Variants in VAV3 observed in about 807,000 individuals in gnomAD.
VAV3 encodes the protein guanine nucleotide exchange factor VAV3.
In VAV3, 94 loss-of-function variants were observed where a neutral mutation model predicts 131.2. The observed-to-expected ratio is 0.72, with a 90% confidence interval of 0.61 to 0.85. The LOEUF (loss-of-function observed/expected upper bound fraction) is 0.85, where lower values mean the gene tolerates loss of function less well. Among genes scored for constraint, VAV3 ranks in the 40% least tolerant of loss-of-function variants. The pLI is 0.00. For synonymous variants in VAV3, 349 were observed against 342.0 expected (o/e 1.02, Z -0.22); for missense variants, 939 against 1,002.7 (o/e 0.94, Z 0.86).
At chr1:107,764,280 T>A (rs1292404139) in intron 9 of VAV3, among the ~76,000 whole-genome samples, 1 of 150,582 alleles carries the variant, frequency 6.6e-6, no homozygotes, top group Non-Finnish European at 1.5e-5. Flanking sequence ...TAGAATCTCA[T>A]CTGTCAAAGC....
intron 15 of VAV3, among the ~76,000 whole-genome samples, chr1:107,736,127 T>C (rs1282948482): frequency 2.0e-5 from 3 of 152,194 alleles, no homozygotes; most frequent in African/African-American, 7.2e-5. Context: ...TCTCAATAGA[T>C]GCAGAAAAGG....
rs146312330 is a variant in VAV3, at chr1:107,665,305, T to C, written c.1777+18183A>G. Among the ~76,000 whole-genome samples, 298 of 152,270 alleles carry C rather than the reference T, an allele frequency of 2.0e-3. 1 individual carries two copies. Among genetic ancestry groups the C allele is most frequent in the African/African-American group, 6.8e-3 (284 of 41,542 alleles). On this transcript the variant is annotated intron_variant, in intron 19 of 26. Coordinates refer to ENST00000370056, the MANE Select transcript of VAV3 (RefSeq NM_006113.5). The stretch of plus-strand genomic sequence containing the variant: ...GTCAGGCTGGACAACAAGGGGTGCA[T>C]TGTCTGGGGATAATTTAAAAACAAT...
rs560899991 is a variant in VAV3 at position 107,945,683 on chromosome 1, G to A, written c.204+18983C>T. On this transcript the variant is annotated intron_variant, in intron 1 of 26. Coordinates refer to ENST00000370056, the MANE Select transcript of VAV3 (RefSeq NM_006113.5). ...CTAAAAATACAAAAATTGGCCAGGCGTGGTGGCGGGCACCTGTAATCCCAG... is the reference window on the plus strand; with the variant it reads ...CTAAAAATACAAAAATTGGCCAGGCATGGTGGCGGGCACCTGTAATCCCAG... 1.1e-4 allele frequency among the ~76,000 whole-genome samples: 16 copies of A among 152,056 alleles called. No individual in the cohort carries two copies. The East Asian group carries it at 1.6e-3, about 15-fold the overall frequency.
At chr1:107,670,066 GGTGA>G (rs1657675422) in intron 19 of VAV3, among the ~76,000 whole-genome samples, 1 of 152,216 alleles carries the variant, frequency 6.6e-6, no homozygotes, top group South Asian at 2.1e-4. Flanking sequence ...ATGTGGGTAG[GGTGA>G]GTATTTTCAT....
At chr1:107,779,700 C>A (rs1223081606) in intron 2 of VAV3, among the ~76,000 whole-genome samples, 1 of 151,932 alleles carries the variant, frequency 6.6e-6, no homozygotes, top group African/African-American at 2.4e-5. Context: ...TAATAAATTA[C>A]TTTATTACTT....
Position 107,831,828 on chromosome 1 carries a change from T to C in VAV3, c.321+43073A>G, listed in dbSNP as rs75598209. 2.2e-3 allele frequency among the ~76,000 whole-genome samples: 328 copies of C among 152,336 alleles called. 13 individuals carry two copies. In the East Asian group the frequency reaches 0.052, roughly 24 times the overall value. ...TTTTAGACATATTCTCATGTAACCA[T>C]AGTAAAAACCAGAATTTTTTTCCAC... is the stretch of plus-strand genomic sequence containing the variant. On this transcript the variant is annotated intron_variant, in intron 2 of 26. Transcript: ENST00000370056.
chr1:107,946,012 T>C (rs1172527719), intron 1 of VAV3, among the ~76,000 whole-genome samples: 2 of 151,230 alleles, frequency 1.3e-5, no homozygotes, highest in Non-Finnish European at 2.9e-5. Context: ...GAGGAGGGAG[T>C]TGAGGCTGGG....
chr1:107,574,072 C>G lies in VAV3; in HGVS notation c.2477G>C (p.Trp826Ser). 6.2e-7 allele frequency: 1 copy of G among 1,614,118 alleles called. No individual in the cohort carries two copies. Among genetic ancestry groups the G allele is most frequent in the Non-Finnish European group, 8.5e-7 (1 of 1,180,018 alleles). ...KIYTKMSANGWWRGEVNGRVG... is the reference protein window; with the variant it reads ...KIYTKMSANGSWRGEVNGRVG... ...CCTGCCATTTACTTCTCCTCTCCAC[C>G]AGCCATTTGCACTCATCTTTGTGTA... is the stretch of plus-strand genomic sequence containing the variant. The change falls in exon 26 of 27, where the codon TGG becomes TCG. Residue 826 changes from tryptophan (W) to serine (S), a missense_variant. Coordinates refer to ENST00000370056, the MANE Select transcript of VAV3 (RefSeq NM_006113.5).
intron 2 of VAV3, chr1:107,862,794 C>T (rs1669801073): frequency 6.9e-6 from 1 of 144,522 alleles, no homozygotes; most frequent in African/African-American, 2.4e-5. Flanking sequence ...CATATATGTG[C>T]CATAGCCTTG....
At chr1:107,848,072 G>A (rs1669049673) in intron 2 of VAV3, among the ~76,000 whole-genome samples, 1 of 152,040 alleles carries the variant, frequency 6.6e-6, no homozygotes, top group Non-Finnish European at 1.5e-5. Flanking sequence ...CCAGCACTTT[G>A]GGAGGCTGAG....
intron 2 of VAV3, among the ~76,000 whole-genome samples, chr1:107,808,844 A>C (rs1240089785): frequency 6.6e-6 from 1 of 152,224 alleles, no homozygotes; most frequent in African/African-American, 2.4e-5. Flanking sequence ...AATGAAAATA[A>C]TACTGCTGTA....
intron 22 of VAV3, among the ~76,000 whole-genome samples, chr1:107,608,469 C>A (rs1391428761): frequency 6.6e-6 from 1 of 152,170 alleles, no homozygotes. Flanking sequence ...AATTAAATTT[C>A]TTTCAGGACT....
At chr1:107,917,308 A>T (rs547475753) in intron 1 of VAV3, among the ~76,000 whole-genome samples, 1 of 152,278 alleles carries the variant, frequency 6.6e-6, no homozygotes, top group African/African-American at 2.4e-5. Context: ...CTCACTCAGC[A>T]TTCACCACAT....
chr1:107,891,838 CAAAA>C (rs35693360), intron 1 of VAV3, among the ~76,000 whole-genome samples: 3 of 27,928 alleles, frequency 1.1e-4, no homozygotes, highest in African/African-American at 3.1e-4. Flanking sequence ...GACTCCGTCT[CAAAA>C]AAAAAAAAAA....
At chr1:107,727,910 C>G (rs370129121) in intron 15 of VAV3, among the ~76,000 whole-genome samples, 1 of 152,154 alleles carries the variant, frequency 6.6e-6, no homozygotes, top group South Asian at 2.1e-4. Flanking sequence ...TATGGAATTG[C>G]AAGCTGGACT....
At chr1:107,818,583 C>T (rs1667657638) in intron 2 of VAV3, among the ~76,000 whole-genome samples, 1 of 151,880 alleles carries the variant, frequency 6.6e-6, no homozygotes. Context: ...GTATACATAC[C>T]CCCAGGGATT....
chr1:107,686,567 C>T lies in VAV3; in HGVS notation c.1731+1814G>A, dbSNP rs1462538452. The stretch of plus-strand genomic sequence containing the variant: ...TTAATATTAGTTTGCTGTATTTCTC[C>T]CTTAAAACAAACTCAAGTTTCCAAA... On this transcript the variant is annotated intron_variant, in intron 18 of 26. Coordinates refer to ENST00000370056, the MANE Select transcript of VAV3 (RefSeq NM_006113.5). Among the ~76,000 whole-genome samples the T allele has an allele frequency of 3.3e-5, 5 of 152,198 alleles. No individual in the cohort carries two copies. In the South Asian group the frequency reaches 1.0e-3, roughly 32 times the overall value.
At chr1:107,645,642 T>C (rs1194787624) in intron 19 of VAV3, among the ~76,000 whole-genome samples, 2 of 151,970 alleles carry the variant, frequency 1.3e-5, no homozygotes, top group Middle Eastern at 3.2e-3. Flanking sequence ...AGACAAAAAA[T>C]TGCGATTAAG....
chr1:107,920,202 A>C (rs1328009538), intron 1 of VAV3, among the ~76,000 whole-genome samples: 1 of 152,208 alleles, frequency 6.6e-6, no homozygotes, highest in African/African-American at 2.4e-5. Flanking sequence ...AACTAGACTA[A>C]CGTATAGCAT....
Sources: gnomAD v4.1 joint callset for allele counts (sites outside exome capture counted in the v4.1 genomes callset) on GRCh38, gnomAD v4.1.1 for gene constraint, MANE v1.5 for transcripts, NCBI Gene and HGNC (gene_info 2026-07-23, HGNC 2026-07-21) for gene names.